LY75: variants seen among roughly 807,000 people sequenced by gnomAD.
LY75 encodes the protein lymphocyte antigen 75, also known as C-type lectin domain family 13 member B.
In LY75, 185 loss-of-function variants were observed where a neutral mutation model predicts 231.7. The observed-to-expected ratio is 0.80, with a 90% CI of 0.71 to 0.90. LY75 has a LOEUF of 0.90. Among genes scored for constraint, LY75 ranks in the 40% least tolerant of loss-of-function variants. LY75 has a pLI of 0.00. For synonymous variants in LY75, 668 were observed against 689.0 expected (o/e 0.97, Z 0.48); for missense variants, 1,947 against 2,050.2 (o/e 0.95, Z 0.97).
At chr2:159,837,281 C>T (rs1042073183) in intron 25 of LY75, among the ~76,000 whole-genome samples, 1 of 152,170 alleles carries the variant, frequency 6.6e-6, no homozygotes, top group African/African-American at 2.4e-5. Context: ...AGATGTAGCA[C>T]ATATACATGA....
intron 15 of LY75, among the ~76,000 whole-genome samples, chr2:159,859,445 T>TG: frequency 6.6e-6 from 1 of 152,196 alleles, no homozygotes; most frequent in Non-Finnish European, 1.5e-5. Context: ...TTTCACTCTA[T>TG]ATATTGGCAG....
At chr2:159,874,614 A>G (rs1574580161) in intron 12 of LY75, among the ~76,000 whole-genome samples, 1 of 130,120 alleles carries the variant, frequency 7.7e-6, no homozygotes, top group African/African-American at 2.8e-5. Flanking sequence ...TATATTTTGT[A>G]AATATATATA....
intron 21 of LY75, among the ~76,000 whole-genome samples, chr2:159,850,800 T>TATATATATATATATATA (rs1560081076): frequency 1.7e-4 from 10 of 59,426 alleles, no homozygotes; most frequent in African/African-American, 5.8e-4. Context: ...ATATATATAT[T>TATATATATATATATATA]ATATCTTATA....
chr2:159,815,254 G>A (rs770787464), intron 31 of LY75, 151 bp downstream of exon 31: 56 of 901,332 alleles, frequency 6.2e-5, no homozygotes, highest in African/African-American at 8.7e-5. Flanking sequence ...GCACGCCTCG[G>A]CCTCCCAAAG....
intron 3 of LY75, 148 bp downstream of exon 3, chr2:159,893,766 T>G: frequency 8.5e-7 from 1 of 1,183,290 alleles, no homozygotes; most frequent in Non-Finnish European, 1.1e-6. Flanking sequence ...GGCTACACAT[T>G]ACCTCTCTCT....
In LY75 at chr2:159,819,767, T is replaced by C; in HGVS notation, c.4112A>G (p.Tyr1371Cys). Reference protein sequence around the residue: ...QTFKVIEEAVYFHQHSILACK... With the variant: ...QTFKVIEEAVCFHQHSILACK... ...AGCAAGAATGCTGTGCTGGTGAAAATAAACTGCTTCTTCAATAACTTTAAA... is the reference window on the plus strand; with the variant it reads ...AGCAAGAATGCTGTGCTGGTGAAAACAAACTGCTTCTTCAATAACTTTAAA... The change falls in exon 29 of 35, where the codon TAT becomes TGT. Residue 1371 changes from tyrosine to cysteine, a missense_variant. By Grantham distance (194) the Tyr-to-Cys change is radical. Coordinates refer to ENST00000263636, the MANE Select transcript of LY75 (RefSeq NM_002349.4). The C allele has an allele frequency of 6.2e-7, 1 of 1,613,722 alleles. No homozygotes were observed. Among genetic ancestry groups the C allele is most frequent in the South Asian group, 1.1e-5 (1 of 90,994 alleles).
rs1682713936 is a variant in LY75 at position 159,803,395 on chromosome 2, A to T, written c.*1649T>A. On this transcript the variant is annotated 3_prime_UTR_variant, in exon 35 of 35. Transcript: ENST00000263636. ...AAAGATAAAACAACTTTATTATGAC[A>T]TCACCATTATATACAGCTGTGCTTT... The T allele has an allele frequency of 6.6e-6, 1 of 152,168 alleles. No individual in the cohort carries two copies. 9.4% of individuals were successfully genotyped at this position (152,168 alleles called of 1,614,324 possible).
chr2:159,861,010 C>T (rs2125860500), intron 14 of LY75, 121 bp from the exon 15 acceptor site: 1 of 970,102 alleles, frequency 1.0e-6, no homozygotes, highest in East Asian at 2.7e-5. Flanking sequence ...GAAAACTTTT[C>T]CATCTCTTTT....
intron 23 of LY75, among the ~76,000 whole-genome samples, chr2:159,845,220 T>C (rs996792595): frequency 6.6e-6 from 1 of 152,136 alleles, no homozygotes; most frequent in Admixed American, 6.5e-5. Context: ...CTCCCAAACA[T>C]GTAGTCAAAT....
At chr2:159,854,261 ATT>A (rs2125856459) in intron 18 of LY75, 97 bp downstream of exon 18, 1 of 958,436 alleles carries the variant, frequency 1.0e-6, no homozygotes, top group East Asian at 3.5e-5. Flanking sequence ...TTAAAGAAAA[ATT>A]TAACTTTTGT....
chr2:159,823,039 T>C (rs1683348292), intron 28 of LY75, among the ~76,000 whole-genome samples: 2 of 152,120 alleles, frequency 1.3e-5, no homozygotes, highest in Admixed American at 1.3e-4. Flanking sequence ...ACACTTCTTC[T>C]CCTCCAAAGG....
At chr2:159,891,440 G>T (rs915586243) in intron 3 of LY75, among the ~76,000 whole-genome samples, 1 of 152,064 alleles carries the variant, frequency 6.6e-6, no homozygotes, top group Admixed American at 6.6e-5. Context: ...ATTGTCTAAA[G>T]GTTCATTATT....
At chr2:159,834,983 T>C (rs7609477) in intron 26 of LY75, among the ~76,000 whole-genome samples, 21,419 of 152,200 alleles carry the variant, frequency 0.14, 1,846 homozygotes, top group East Asian at 0.28. Flanking sequence ...TGAGATGTTC[T>C]CTAGGGATTT....
chr2:159,892,387 G>A (rs1331345549), intron 3 of LY75, among the ~76,000 whole-genome samples: 4 of 152,142 alleles, frequency 2.6e-5, no homozygotes, highest in African/African-American at 9.7e-5. Flanking sequence ...TTCTAGTTCT[G>A]ATATTTATTA....
chr2:159,806,948 T>A (rs771055784), intron 34 of LY75, 25 bp downstream of exon 34: 34 of 1,576,998 alleles, frequency 2.2e-5, no homozygotes, highest in Non-Finnish European at 2.6e-5. Context: ...GCAAAAAGTC[T>A]CCTAAGGACA....
chr2:159,826,578 A>C (rs1343563785), intron 28 of LY75, among the ~76,000 whole-genome samples: 1 of 152,204 alleles, frequency 6.6e-6, no homozygotes, highest in African/African-American at 2.4e-5. Flanking sequence ...GCTACCACTG[A>C]CTTTCTTCAC....
chr2:159,835,403 A>G, intron 26 of LY75, 77 bp downstream of exon 26: 1 of 1,399,038 alleles, frequency 7.1e-7, no homozygotes. Flanking sequence ...CAGATTTTAT[A>G]AAACCACTCC....
At chr2:159,845,636 A>T (rs1158580201) in intron 23 of LY75, among the ~76,000 whole-genome samples, 1 of 151,984 alleles carries the variant, frequency 6.6e-6, no homozygotes, top group Non-Finnish European at 1.5e-5. Context: ...TAGCATTTAC[A>T]TTGTATTAGC....
chr2:159,884,593 C>T (rs1685532050), intron 6 of LY75, among the ~76,000 whole-genome samples: 2 of 152,172 alleles, frequency 1.3e-5, no homozygotes, highest in Non-Finnish European at 2.9e-5. Context: ...GGGCTGGGTG[C>T]TGTGGGGCAC....
Sources: allele counts gnomAD v4.1 joint callset (sites outside exome capture counted in the v4.1 genomes callset), GRCh38; gene constraint gnomAD v4.1.1; transcripts MANE v1.5; gene names NCBI Gene and HGNC (gene_info 2026-07-23, HGNC 2026-07-21).